CNTNAP4: variants seen among roughly 807,000 people sequenced by gnomAD.
CNTNAP4 encodes the protein contactin-associated protein-like 4.
A neutral mutation model predicts 148.4 loss-of-function variants in CNTNAP4; 98 were observed. That is an observed-to-expected ratio of 0.66 (90% CI 0.56 to 0.78). CNTNAP4 has a LOEUF of 0.78. Among genes scored for constraint, CNTNAP4 ranks in the 30% least tolerant of loss-of-function variants. The pLI, the probability that CNTNAP4 is intolerant of heterozygous loss-of-function variation, is 0.00. For synonymous variants in CNTNAP4, 730 were observed against 565.1 expected, an observed-to-expected ratio of 1.29 and a Z score of -4.14; for missense variants, 1,935 against 1,565.6, an observed-to-expected ratio of 1.24 and a Z score of -3.98.
intron 4 of CNTNAP4, among the ~76,000 whole-genome samples, chr16:76,434,803 A>G (rs534647876): frequency 7.4e-4 from 112 of 152,182 alleles, no homozygotes; most frequent in Non-Finnish European, 9.1e-4. Flanking sequence ...TGTGCCAATT[A>G]TGCATCCTGG....
chr16:76,472,311 C>A (rs190871326), intron 10 of CNTNAP4, among the ~76,000 whole-genome samples: 1 of 151,916 alleles, frequency 6.6e-6, no homozygotes, highest in Non-Finnish European at 1.5e-5. Context: ...TAATCTTTCA[C>A]ATTTGAATTA....
At chr16:76,421,339 G>C (rs998549086) in intron 3 of CNTNAP4, among the ~76,000 whole-genome samples, 2 of 151,794 alleles carry the variant, frequency 1.3e-5, no homozygotes, top group Admixed American at 1.3e-4. Context: ...TGTATTATAC[G>C]TGCAGCTCAA....
chr16:76,391,659 G>T (rs928076408), intron 3 of CNTNAP4, among the ~76,000 whole-genome samples: 8 of 152,200 alleles, frequency 5.3e-5, no homozygotes, highest in Non-Finnish European at 1.2e-4. Flanking sequence ...ACCTCTGAGT[G>T]TGGGGTCCAG....
At chr16:76,498,363 G>A (rs1256651262) in intron 14 of CNTNAP4, among the ~76,000 whole-genome samples, 2 of 146,702 alleles carry the variant, frequency 1.4e-5, no homozygotes, top group African/African-American at 4.8e-5. Context: ...CTGCACTCCA[G>A]CCTGGGAGAC....
chr16:76,524,397 C>T (rs763450542), intron 17 of CNTNAP4, among the ~76,000 whole-genome samples: 4 of 152,170 alleles, frequency 2.6e-5, no homozygotes, highest in African/African-American at 9.6e-5. Context: ...TAAAATCTGT[C>T]AGTAGCTTGG....
intron 4 of CNTNAP4, among the ~76,000 whole-genome samples, chr16:76,441,786 A>G (rs995287238): frequency 1.3e-5 from 2 of 152,214 alleles, no homozygotes; most frequent in Non-Finnish European, 2.9e-5. Context: ...TTTCCTGCCC[A>G]ATATTCTAAC....
chr16:76,284,344 G>C (rs890773909), intron 1 of CNTNAP4, among the ~76,000 whole-genome samples: 1 of 151,846 alleles, frequency 6.6e-6, no homozygotes, highest in Non-Finnish European at 1.5e-5. Context: ...TCAAGAACAG[G>C]TCTTGAGTTG....
At chr16:76,403,746 C>T (rs2078501440) in intron 3 of CNTNAP4, among the ~76,000 whole-genome samples, 3 of 152,196 alleles carry the variant, frequency 2.0e-5, no homozygotes, top group South Asian at 4.1e-4. Flanking sequence ...CACATGCACG[C>T]AAATGTTTAT....
intron 4 of CNTNAP4, among the ~76,000 whole-genome samples, chr16:76,429,818 A>G (rs1273192016): frequency 6.6e-6 from 1 of 152,156 alleles, no homozygotes; most frequent in Non-Finnish European, 1.5e-5. Flanking sequence ...CTGTCCATGT[A>G]TTTGGTCAAT....
At chr16:76,293,673 A>G (rs1010278987) in intron 1 of CNTNAP4, among the ~76,000 whole-genome samples, 3 of 152,280 alleles carry the variant, frequency 2.0e-5, no homozygotes, top group Middle Eastern at 3.4e-3. Context: ...TCATAGTTTT[A>G]TAGCTCTTTG....
intron 3 of CNTNAP4, among the ~76,000 whole-genome samples, chr16:76,402,691 A>C (rs973752518): frequency 3.9e-5 from 6 of 152,048 alleles, no homozygotes; most frequent in Admixed American, 1.3e-4. Context: ...TGGGGCATTG[A>C]GTGCCATGAA....
intron 3 of CNTNAP4, among the ~76,000 whole-genome samples, chr16:76,381,275 T>G (rs1210940398): frequency 2.0e-5 from 3 of 152,176 alleles, no homozygotes; most frequent in Non-Finnish European, 2.9e-5. Context: ...ACAGAGATTG[T>G]TGACATGTCT....
chr16:76,449,334 C>A (rs1010975943), intron 6 of CNTNAP4, among the ~76,000 whole-genome samples: 3 of 152,120 alleles, frequency 2.0e-5, no homozygotes, highest in Non-Finnish European at 4.4e-5. Context: ...AATGTACCAA[C>A]AAATTGATTA....
chr16:76,286,218 T>TGA (rs1958878646), intron 1 of CNTNAP4, among the ~76,000 whole-genome samples: 1 of 144,332 alleles, frequency 6.9e-6, no homozygotes, highest in Admixed American at 7.0e-5. Flanking sequence ...TGTGTGTGTG[T>TGA]GAAGATAACT....
At chr16:76,280,192 C>G (rs892730015) in intron 1 of CNTNAP4, among the ~76,000 whole-genome samples, 1 of 152,162 alleles carries the variant, frequency 6.6e-6, no homozygotes, top group African/African-American at 2.4e-5. Context: ...AGGAGCAAAT[C>G]TGTCATCTAC....
At chr16:76,300,541 G>A (rs569236687) in intron 1 of CNTNAP4, among the ~76,000 whole-genome samples, 54 of 152,246 alleles carry the variant, frequency 3.5e-4, no homozygotes, top group Non-Finnish European at 7.1e-4. Context: ...AGAACTTAAA[G>A]TATAATCAAA....
At chr16:76,544,128 C>T (rs1436416689) in intron 21 of CNTNAP4, among the ~76,000 whole-genome samples, 1 of 152,022 alleles carries the variant, frequency 6.6e-6, no homozygotes, top group Non-Finnish European at 1.5e-5. Flanking sequence ...CCAAATTACC[C>T]TCCAAATTAA....
chr16:76,383,449 G>A (rs1032607117), intron 3 of CNTNAP4, among the ~76,000 whole-genome samples: 1 of 150,882 alleles, frequency 6.6e-6, no homozygotes, highest in African/African-American at 2.4e-5. Flanking sequence ...AATGAGCAAG[G>A]TGGGAAACAT....
chr16:76,360,838 A>G (rs182223295), intron 3 of CNTNAP4, among the ~76,000 whole-genome samples: 3,612 of 121,824 alleles, frequency 0.03, 166 homozygotes, highest in African/African-American at 0.11. Context: ...TTTTTTTGAG[A>G]TGGAGTCTCG....
Sources: gnomAD v4.1 joint callset for allele counts (sites outside exome capture counted in the v4.1 genomes callset) on GRCh38, gnomAD v4.1.1 for gene constraint, MANE v1.5 for transcripts, NCBI Gene and HGNC (gene_info 2026-07-23, HGNC 2026-07-21) for gene names.